PRKN: variants seen among roughly 807,000 people sequenced by gnomAD.
PRKN encodes the protein E3 ubiquitin-protein ligase parkin.
In PRKN, 56 loss-of-function variants were observed where a neutral mutation model predicts 59.5. The ratio of observed to expected loss-of-function variants is 0.94; its 90% CI spans 0.76 to 1.18. PRKN has a LOEUF of 1.18. PRKN is among the 50% of genes most tolerant of loss of function. The probability of loss-of-function intolerance (pLI) is 0.00; values close to 1 mark genes in which losing one functional copy is unlikely to be tolerated. For synonymous variants in PRKN, 250 were observed against 222.1 expected (o/e 1.13, Z -1.12); for missense variants, 657 against 596.4 (o/e 1.10, Z -1.06).
At chr6:162,158,656 C>T (rs927637786) in intron 4 of PRKN, among the ~76,000 whole-genome samples, 1 of 151,914 alleles carries the variant, frequency 6.6e-6, no homozygotes, top group Non-Finnish European at 1.5e-5. Context: ...GTCTTGAACT[C>T]CTGGCCTGAA....
intron 4 of PRKN, among the ~76,000 whole-genome samples, chr6:162,078,486 C>A (rs931044776): frequency 6.6e-5 from 10 of 151,994 alleles, no homozygotes; most frequent in Non-Finnish European, 1.3e-4. Context: ...AAATCTTTCC[C>A]CGAAATCATG....
intron 6 of PRKN, among the ~76,000 whole-genome samples, chr6:161,963,058 G>A (rs1209795879): frequency 2.0e-5 from 3 of 152,072 alleles, no homozygotes; most frequent in East Asian, 2.0e-4. Flanking sequence ...CAGGAGAATC[G>A]CTTGAACCCA....
Position 161,468,101 on chromosome 6 carries a change from T to C in PRKN, c.1083+80753A>G, listed in dbSNP as rs1247055766. Among the ~76,000 whole-genome samples the C allele has an allele frequency of 6.6e-6, 1 of 151,994 alleles. No individual in the cohort carries two copies. The highest frequency in any genetic ancestry group is 2.4e-5 in the African/African-American group (1 of 41,366). ...AATTTTCCTGCCTCAGCCTCCTGAG[T>C]AGCTGGGATTATAGGCACGCACCAC... On this transcript the variant is annotated intron_variant, in intron 9 of 11. Coordinates refer to ENST00000366898, the MANE Select transcript of PRKN (RefSeq NM_004562.3). This position sits in a 1 kb window ranked among gnomAD's most constrained non-coding sequence, Gnocchi z 5.9.
At chr6:161,689,367 T>C (rs1242086506) in intron 7 of PRKN, among the ~76,000 whole-genome samples, 1 of 152,200 alleles carries the variant, frequency 6.6e-6, no homozygotes, top group East Asian at 1.9e-4. Flanking sequence ...TTTCTAATGA[T>C]TAACCTTAAC....
chr6:162,025,066 A>AGT (rs1284850973), intron 5 of PRKN, among the ~76,000 whole-genome samples: 49 of 133,842 alleles, frequency 3.7e-4, no homozygotes, highest in African/African-American at 1.4e-3. Context: ...CCCAGCCTGG[A>AGT]GTGCAGTGGC....
chr6:161,798,647 T>C (rs1467106687), intron 6 of PRKN, among the ~76,000 whole-genome samples: 2 of 152,346 alleles, frequency 1.3e-5, no homozygotes, highest in South Asian at 2.1e-4. Flanking sequence ...CTAGAGATTT[T>C]ACTCCCTGGG....
chr6:162,179,886 A>G (rs919394548), intron 4 of PRKN, among the ~76,000 whole-genome samples: 1 of 148,014 alleles, frequency 6.8e-6, no homozygotes, highest in South Asian at 2.2e-4. Flanking sequence ...ATATCTATTT[A>G]GTGTTTGCCT....
At position 161,413,436 on chromosome 6, in the gene PRKN, G is replaced by T. The variant is rs1015945535; in HGVS notation, c.1084-26559C>A. On this transcript the variant is annotated intron_variant, in intron 9 of 11. Coordinates refer to ENST00000366898, the MANE Select transcript of PRKN (RefSeq NM_004562.3). This position sits in a 1 kb window ranked among gnomAD's most constrained non-coding sequence, Gnocchi z 4.4. ...GCCAGTGCATCAACACAGAGTAACCGAATACATCAGAGAGGACATAGGGAT... is the reference window on the plus strand; with the variant it reads ...GCCAGTGCATCAACACAGAGTAACCTAATACATCAGAGAGGACATAGGGAT... 1.3e-5 allele frequency among the ~76,000 whole-genome samples: 2 copies of T among 152,182 alleles called. No individual in the cohort carries two copies. Among genetic ancestry groups the T allele is most frequent in the Admixed American group, 6.5e-5 (1 of 15,286 alleles).
At chr6:162,344,455 G>C (rs9365405) in intron 2 of PRKN, among the ~76,000 whole-genome samples, 45,760 of 151,148 alleles carry the variant, frequency 0.3, 7,176 homozygotes, top group Non-Finnish European at 0.32. Flanking sequence ...AGCAGCATAT[G>C]ATATTAGTTA....
At chr6:161,783,018 C>A (rs965086467) in intron 7 of PRKN, among the ~76,000 whole-genome samples, 1 of 152,108 alleles carries the variant, frequency 6.6e-6, no homozygotes, top group Non-Finnish European at 1.5e-5. Flanking sequence ...ACCCTAATGA[C>A]AAAACAAACT....
At chr6:161,695,797 C>T (rs1785996538) in intron 7 of PRKN, among the ~76,000 whole-genome samples, 1 of 152,104 alleles carries the variant, frequency 6.6e-6, no homozygotes, top group South Asian at 2.1e-4. Context: ...CATGAGAGCA[C>T]AGGACATTTA....
intron 6 of PRKN, among the ~76,000 whole-genome samples, chr6:161,899,683 T>G (rs1777808902): frequency 6.6e-6 from 1 of 152,230 alleles, no homozygotes; most frequent in Admixed American, 6.5e-5. Flanking sequence ...AATCAACAAC[T>G]ACTTACCAAA....
intron 7 of PRKN, among the ~76,000 whole-genome samples, chr6:161,631,475 T>G (rs962158182): frequency 1.3e-5 from 2 of 152,028 alleles, no homozygotes; most frequent in Non-Finnish European, 1.5e-5. Context: ...GTGCAACAAA[T>G]CCATGGCACA....
At chr6:162,504,404 G>C (rs1793513649) in intron 1 of PRKN, among the ~76,000 whole-genome samples, 1 of 152,134 alleles carries the variant, frequency 6.6e-6, no homozygotes, top group African/African-American at 2.4e-5. Context: ...GGCTCTGGGA[G>C]GATAAAAACA....
chr6:162,463,437 G>A (rs1791264413), intron 1 of PRKN, among the ~76,000 whole-genome samples: 1 of 152,114 alleles, frequency 6.6e-6, no homozygotes. Context: ...GCTTTCCAAG[G>A]GGGTTTGTAT....
At chr6:162,572,887 TC>T (rs1466299621) in intron 1 of PRKN, among the ~76,000 whole-genome samples, 2 of 152,012 alleles carry the variant, frequency 1.3e-5, no homozygotes, top group Non-Finnish European at 2.9e-5. Flanking sequence ...CTGGGGCTCT[TC>T]CCTTTGCTCC....
chr6:162,076,747 T>C (rs1778846498), intron 4 of PRKN, among the ~76,000 whole-genome samples: 1 of 152,182 alleles, frequency 6.6e-6, no homozygotes, highest in Admixed American at 6.5e-5. Context: ...TCCTTTTAGA[T>C]CGATGTTTTT....
At chr6:162,342,866 T>C (rs748930558) in intron 2 of PRKN, among the ~76,000 whole-genome samples, 51 of 152,196 alleles carry the variant, frequency 3.4e-4, no homozygotes, top group Non-Finnish European at 6.2e-4. Flanking sequence ...CAGAAATCTT[T>C]GCTTAGTTTT....
intron 6 of PRKN, among the ~76,000 whole-genome samples, chr6:161,801,782 T>C (rs1315789446): frequency 6.6e-6 from 1 of 152,140 alleles, no homozygotes; most frequent in Non-Finnish European, 1.5e-5. Flanking sequence ...GGAAGGCCTG[T>C]GCAACTGCGT....
Sources: gnomAD v4.1 joint callset for allele counts (sites outside exome capture counted in the v4.1 genomes callset) on GRCh38, gnomAD v4.1.1 for gene constraint, Gnocchi (gnomAD v3.1) non-coding constraint, MANE v1.5 for transcripts, NCBI Gene and HGNC (gene_info 2026-07-23, HGNC 2026-07-21) for gene names.